The following PDIA3 variants were observed in gnomAD, a reference collection of about 807,000 sequenced individuals.
PDIA3 encodes protein disulfide-isomerase A3.
A neutral mutation model predicts 56.9 loss-of-function variants in PDIA3; 16 were observed. The ratio of observed to expected loss-of-function variants is 0.28; its 90% CI spans 0.19 to 0.43. The LOEUF is 0.43. Ranked by LOEUF, PDIA3 falls within the 20% of genes least tolerant of loss-of-function variation. The probability of loss-of-function intolerance (pLI) is 1.00; values close to 1 mark genes in which losing one functional copy is unlikely to be tolerated. For missense variants in PDIA3, 485 were observed against 621.3 expected (o/e 0.78, Z 2.33); for synonymous variants, 192 against 216.5 (o/e 0.89, Z 0.99).
rs1416215388 is a variant in PDIA3 at position 43,768,380 on chromosome 15, T to C, written c.1029-109T>C. ...ATATTGAGAGATGAGAGTCCCCCTT[T>C]TTTAGCCTTGAAAAGCTAAAATACA... On this transcript the variant is annotated intron_variant, in intron 8 of 12. Coordinates refer to ENST00000300289, the MANE Select transcript of PDIA3 (RefSeq NM_005313.5). 9.8e-6 allele frequency: 7 copies of C among 712,600 alleles called. No individual in the cohort carries two copies. The Admixed American group carries it at 1.7e-4, about 17-fold the overall frequency. The allele number at this position is 712,600 out of a possible 1,614,324, so 44.1% of individuals were successfully genotyped here. A position where few individuals can be genotyped will look rare whatever the true frequency, so the allele number is the denominator to read the frequency against.
chr15:43,758,837 C>T (rs2086796354), intron 3 of PDIA3, among the ~76,000 whole-genome samples: 2 of 151,602 alleles, frequency 1.3e-5, no homozygotes, highest in East Asian at 1.9e-4. Context: ...ATTAGCTGGG[C>T]GTGGTGGTGC....
At chr15:43,763,233 C>G (rs184580258) in intron 5 of PDIA3, 27 bp downstream of exon 5, 60 of 1,609,380 alleles carry the variant, frequency 3.7e-5, no homozygotes, top group East Asian at 1.3e-4. Context: ...AATCTCCTGA[C>G]CAAGTATTAT....
chr15:43,751,777 T>C (rs2086746054), intron 1 of PDIA3: 2 of 1,291,540 alleles, frequency 1.5e-6, no homozygotes, highest in South Asian at 1.2e-5. Flanking sequence ...TGCATACTTT[T>C]GTTGTTTTAA....
intron 2 of PDIA3, among the ~76,000 whole-genome samples, chr15:43,754,148 C>A (rs1423055252): frequency 6.6e-6 from 1 of 152,112 alleles, no homozygotes; most frequent in Admixed American, 6.5e-5. Flanking sequence ...GTAATCCCAG[C>A]ACTTTGGGAG....
At chr15:43,752,487 A>G (rs778171278) in intron 1 of PDIA3, among the ~76,000 whole-genome samples, 10 of 152,254 alleles carry the variant, frequency 6.6e-5, no homozygotes, top group Non-Finnish European at 1.3e-4. Context: ...GAAATACAGC[A>G]TAAGGAATAG....
At chr15:43,763,235 AAGT>A (rs750890231) in intron 5 of PDIA3, 29 bp downstream of exon 5, 1 of 1,609,670 alleles carries the variant, frequency 6.2e-7, no homozygotes, top group South Asian at 1.1e-5. Flanking sequence ...TCTCCTGACC[AAGT>A]ATTATTGTGT....
At chr15:43,750,152 C>T (rs1435274549) in intron 1 of PDIA3, among the ~76,000 whole-genome samples, 1 of 148,448 alleles carries the variant, frequency 6.7e-6, no homozygotes, top group Admixed American at 6.7e-5. Context: ...CTGCAACCTC[C>T]GCCTCCCCTG....
Position 43,765,465 on chromosome 15 carries a change from T to C in PDIA3, c.618T>C (p.Phe206=). 1.9e-6 allele frequency: 3 copies of C among 1,603,484 alleles called. No individual in the cohort carries two copies. Among genetic ancestry groups the C allele is most frequent in the Non-Finnish European group, 2.6e-6 (3 of 1,170,634 alleles). The part of the protein sequence containing the change: ...YDDNGEGIIL[F]RPSHLTNKFE... ...TTTTTTTAAGGGGTATCATCTTATT[T>C]CGTCCTTCACATCTCACTAACAAGT... The change falls in exon 6 of 13, where the codon TTT becomes TTC. Residue 206 remains phenylalanine (F), a synonymous_variant. Coordinates refer to ENST00000300289, the MANE Select transcript of PDIA3 (RefSeq NM_005313.5).
Position 43,773,163 on chromosome 15 carries a change from T to C in PDIA3, c.*1945T>C. 2 of 1,613,954 alleles carry C rather than the reference T, an allele frequency of 1.2e-6. No individual in the cohort carries two copies. Among genetic ancestry groups the C allele is most frequent in the South Asian group, 2.2e-5 (2 of 91,040 alleles). On this transcript the variant is annotated 3_prime_UTR_variant, in exon 13 of 13. Coordinates refer to ENST00000300289, the MANE Select transcript of PDIA3 (RefSeq NM_005313.5). ...TCAAACTCCAGGATGAGACCTTTAA[T>C]GTGGGACAATTTCTGGTGAAGGTAC... is the stretch of plus-strand genomic sequence containing the variant.
rs773736141 is a variant in PDIA3, at chr15:43,746,571, G to T, written c.32G>T (p.Gly11Val). 4.3e-6 allele frequency: 7 copies of T among 1,611,548 alleles called. No homozygotes were observed. The highest frequency in any genetic ancestry group is 5.1e-6 in the Non-Finnish European group (6 of 1,179,578). ...CTCCGCCGCCTAGCGCTGTTCCCGG[G>T]TGTGGCGCTGCTTCTTGCCGCGGCC... is the stretch of plus-strand genomic sequence containing the variant. The part of the protein sequence containing the change: MRLRRLALFP[G>V]VALLLAAARL... Residue 11 changes from glycine to valine, a missense_variant, in exon 1 of 13, where the codon GGT becomes GTT. Physicochemically the swap from Gly to Val is moderately radical, Grantham distance 109 (BLOSUM62 -3). Transcript: ENST00000300289.
intron 3 of PDIA3, among the ~76,000 whole-genome samples, chr15:43,757,278 GC>G (rs1267067956): frequency 2.0e-5 from 3 of 152,238 alleles, no homozygotes; most frequent in African/African-American, 7.2e-5. Flanking sequence ...TTGGGCCGGG[GC>G]CGGGTGCGGT....
At chr15:43,757,723 G>A (rs537462930) in intron 3 of PDIA3, among the ~76,000 whole-genome samples, 4 of 152,096 alleles carry the variant, frequency 2.6e-5, no homozygotes, top group East Asian at 3.9e-4. Flanking sequence ...AGCACTGGGC[G>A]TGGTGGCACA....
Position 43,746,704 on chromosome 15 carries a change from C to G in PDIA3, c.165C>G (p.Pro55=), listed in dbSNP as rs1567153669. ...AGLMLVEFFA[P]WCGHCKRLAP... is the part of the protein sequence containing the mutation. The stretch of plus-strand genomic sequence containing the variant: ...TCATGCTCGTCGAGTTCTTCGCCCC[C>G]TGGTGAGTCCATTCTGCCGAGGCGG... The change falls in exon 1 of 13, where the codon CCC becomes CCG. Residue 55 remains proline, a splice_region_variant and synonymous_variant. Transcript: ENST00000300289. 2 of 1,612,630 alleles carry G rather than the reference C, an allele frequency of 1.2e-6. No homozygotes were observed. The highest frequency in any genetic ancestry group is 1.7e-6 in the Non-Finnish European group (2 of 1,179,800).
chr15:43,768,675 A>C, intron 9 of PDIA3, 78 bp downstream of exon 9: 2 of 949,500 alleles, frequency 2.1e-6, no homozygotes, highest in Non-Finnish European at 3.4e-6. Flanking sequence ...TGGGGTCTAA[A>C]TGAAGACTTC....
chr15:43,765,156 G>T (rs987045655), intron 5 of PDIA3, among the ~76,000 whole-genome samples: 2 of 152,084 alleles, frequency 1.3e-5, no homozygotes, highest in African/African-American at 4.8e-5. Context: ...TGGGAGGATC[G>T]CTTGAGCCTG....
In PDIA3 at chr15:43,771,235, C is replaced by G. The variant is rs780353829; in HGVS notation, c.*17C>G. The G allele has an allele frequency of 3.3e-6, 5 of 1,505,832 alleles. No individual in the cohort carries two copies. The highest frequency in any genetic ancestry group is 1.1e-5 in the South Asian group (1 of 87,966). The allele number at this position is 1,505,832 out of a possible 1,614,324, so 93.3% of individuals were successfully genotyped here. A position where few individuals can be genotyped will look rare whatever the true frequency, so the allele number is the denominator to read the frequency against. ...GATCTCTAAAGCAGTAGCCAAACAC[C>G]ACTTTGTAAAAGGACTCTTCCATCA... is the stretch of plus-strand genomic sequence containing the variant. On this transcript the variant is annotated 3_prime_UTR_variant, in exon 13 of 13. Coordinates refer to ENST00000300289, the MANE Select transcript of PDIA3 (RefSeq NM_005313.5).
At chr15:43,763,327 A>G (rs1214579736) in intron 5 of PDIA3, 121 bp downstream of exon 5, 2 of 1,090,120 alleles carry the variant, frequency 1.8e-6, no homozygotes, top group Non-Finnish European at 2.6e-6. Flanking sequence ...ATCTCTGCTC[A>G]CTGCAGCCTC....
chr15:43,748,369 T>G (rs1010685441), intron 1 of PDIA3, among the ~76,000 whole-genome samples: 2 of 151,924 alleles, frequency 1.3e-5, no homozygotes, highest in African/African-American at 4.8e-5. Context: ...TCCCAGCTAC[T>G]CAGGAAGCTG....
At chr15:43,749,630 T>C (rs1303737261) in intron 1 of PDIA3, among the ~76,000 whole-genome samples, 4 of 152,044 alleles carry the variant, frequency 2.6e-5, no homozygotes, top group Admixed American at 6.6e-5. Context: ...CCATCTCTAC[T>C]AAAAATACAA....
Sources: gnomAD v4.1 joint callset for allele counts (sites outside exome capture counted in the v4.1 genomes callset) on GRCh38, gnomAD v4.1.1 for gene constraint, MANE v1.5 for transcripts, NCBI Gene and HGNC (gene_info 2026-07-23, HGNC 2026-07-21) for gene names.